Variants in VPS37B observed in about 807,000 individuals in gnomAD.
VPS37B encodes VPS37B subunit of ESCRT-I, also known as vacuolar protein sorting-associated protein 37B.
VPS37B carries 11 observed loss-of-function variants against 21.2 expected under a neutral mutation model. The ratio of observed to expected loss-of-function variants is 0.52; its 90% CI spans 0.33 to 0.86. The LOEUF (loss-of-function observed/expected upper bound fraction) is 0.86. Among genes scored for constraint, VPS37B ranks in the 40% least tolerant of loss-of-function variants. The pLI, the probability that VPS37B is intolerant of heterozygous loss-of-function variation, is 0.03. For missense variants in VPS37B, 389 were observed against 374.8 expected, an observed-to-expected ratio of 1.04 and a Z score of -0.31; for synonymous variants, 175 against 159.6, an observed-to-expected ratio of 1.10 and a Z score of -0.73.
At chr12:122,875,862 A>G (rs2034140766) in intron 1 of VPS37B, 1 of 151,988 alleles carries the variant, frequency 6.6e-6, no homozygotes. Context: ...AAAAAAAAAA[A>G]AAAATCTTAA....
chr12:122,870,679 A>G (rs1253729420), intron 2 of VPS37B: 3 of 473,686 alleles, frequency 6.3e-6, no homozygotes, highest in Non-Finnish European at 1.1e-5. Flanking sequence ...GTGCTGAGCC[A>G]TGGTTGCGCC....
rs745676124 is a variant in VPS37B, at chr12:122,896,084, G to A, written c.-22C>T. The A allele has an allele frequency of 3.2e-6, 5 of 1,551,008 alleles. No individual in the cohort carries two copies. Among genetic ancestry groups the A allele is most frequent in the South Asian group, 1.2e-5 (1 of 86,932 alleles). ...CCATCCCCACGTCTCGGCCGTCGTC[G>A]CCACCGCCGCTGCGGCCACCAGGCT... On this transcript the variant is annotated 5_prime_UTR_variant, in exon 1 of 4. Transcript: ENST00000267202.
chr12:122,888,431 G>A, intron 1 of VPS37B: 1 of 389,610 alleles, frequency 2.6e-6, no homozygotes, highest in Non-Finnish European at 5.3e-6. Flanking sequence ...ATAAACCAAC[G>A]AGAACTCTTG....
chr12:122,872,357 T>C, intron 1 of VPS37B: 1 of 985,470 alleles, frequency 1.0e-6, no homozygotes, highest in Non-Finnish European at 1.2e-6. Flanking sequence ...AGACAACAGC[T>C]GCACCCAGGG....
intron 1 of VPS37B, among the ~76,000 whole-genome samples, chr12:122,892,706 C>A (rs1286543596): frequency 6.6e-6 from 1 of 152,102 alleles, no homozygotes; most frequent in Non-Finnish European, 1.5e-5. Context: ...TGGTTTAGGG[C>A]CAGGAATTCA....
intron 1 of VPS37B, 61 bp from the exon 2 acceptor site, chr12:122,871,122 T>C (rs2034024855): frequency 6.3e-7 from 1 of 1,584,364 alleles, no homozygotes; most frequent in Non-Finnish European, 8.6e-7. Flanking sequence ...ACCCCTGAGG[T>C]CCCCACGCAC....
intron 1 of VPS37B, chr12:122,888,570 C>T: frequency 4.4e-6 from 2 of 456,040 alleles, no homozygotes; most frequent in South Asian, 3.1e-5. Flanking sequence ...GTAATCAAAG[C>T]CAAACAGGCA....
At position 122,868,520 on chromosome 12, in the gene VPS37B, A is replaced by G. The variant is rs1304523205; in HGVS notation, c.326T>C (p.Leu109Pro). 6.2e-7 allele frequency: 1 copy of G among 1,613,904 alleles called. No individual in the cohort carries two copies. Among genetic ancestry groups the G allele is most frequent in the South Asian group, 1.1e-5 (1 of 91,020 alleles). ...SSASLETLLALLQAEGAKIEE... is the reference protein window; with the variant it reads ...SSASLETLLAPLQAEGAKIEE... ...AATCTTGGCCCCTTCTGCCTGAAGA[A>G]GTGCTAACAGGGTCTCCAAGGAAGC... Residue 109 changes from leucine to proline, a missense_variant, in exon 3 of 4, where the codon CTT becomes CCT. By Grantham distance (98) the Leu-to-Pro change is moderately conservative. Coordinates refer to ENST00000267202, the MANE Select transcript of VPS37B (RefSeq NM_024667.3). This position sits in a 1 kb window ranked among gnomAD's most constrained non-coding sequence, Gnocchi z 5.5.
At chr12:122,871,222 G>GC in intron 1 of VPS37B, 161 bp from the exon 2 acceptor site, 1 of 1,381,016 alleles carries the variant, frequency 7.2e-7, no homozygotes, top group Non-Finnish European at 9.4e-7. Context: ...CCAGAGCCAA[G>GC]CCCCTTGGTT....
intron 1 of VPS37B, chr12:122,875,210 C>T (rs1041753963): frequency 5.5e-5 from 8 of 145,132 alleles, no homozygotes; most frequent in African/African-American, 1.8e-4. Context: ...CAGGTGTGTA[C>T]CACACCTGGC....
chr12:122,869,438 C>T (rs908776323), intron 2 of VPS37B, among the ~76,000 whole-genome samples: 1 of 152,212 alleles, frequency 6.6e-6, no homozygotes, highest in Non-Finnish European at 1.5e-5. Context: ...ATGGACACTC[C>T]TACCAGCAAG....
chr12:122,876,749 A>C (rs966833260), intron 1 of VPS37B: 6 of 152,110 alleles, frequency 3.9e-5, no homozygotes, highest in African/African-American at 1.4e-4. Flanking sequence ...ACTATCTCAA[A>C]TGCACATGTC....
intron 1 of VPS37B, chr12:122,884,974 C>T (rs1405594724): frequency 6.6e-6 from 1 of 152,158 alleles, no homozygotes; most frequent in Non-Finnish European, 1.5e-5. Flanking sequence ...TACATCATGA[C>T]ATGAACTTTC....
At chr12:122,888,524 C>T (rs983956503) in intron 1 of VPS37B, 1 of 455,908 alleles carries the variant, frequency 2.2e-6, no homozygotes, top group Non-Finnish European at 4.4e-6. Flanking sequence ...GCGTACCTGG[C>T]ATGAATCTCC....
chr12:122,880,394 A>G (rs2034228660), intron 1 of VPS37B: 1 of 152,250 alleles, frequency 6.6e-6, no homozygotes, highest in Admixed American at 6.5e-5. Flanking sequence ...CATGAGACAC[A>G]AAACACACAC....
Position 122,896,017 on chromosome 12 carries a change from C to T in VPS37B, c.46G>A (p.Val16Met), listed in dbSNP as rs199843497. The T allele has an allele frequency of 1.6e-4, 262 of 1,595,878 alleles. No individual in the cohort carries two copies. In the East Asian group the frequency reaches 5.5e-3, roughly 33 times the overall value. Residue 16 changes from valine (V) to methionine (M), a missense_variant, in exon 1 of 4, where the codon GTG (valine) becomes ATG (methionine). Val to Met is a conservative substitution (Grantham distance 21, BLOSUM62 1). Coordinates refer to ENST00000267202, the MANE Select transcript of VPS37B (RefSeq NM_024667.3). ...SEARFAGLSL[V>M]QLNELLEDEG... is the part of the protein sequence containing the mutation. Reference sequence around the variant, plus strand: ...TCCTCCAGCAGCTCGTTGAGCTGCACCAGCGACAGCCCGGCGAACCGGGCT... The same window carrying T: ...TCCTCCAGCAGCTCGTTGAGCTGCATCAGCGACAGCCCGGCGAACCGGGCT...
At chr12:122,885,620 T>A (rs2034309430) in intron 1 of VPS37B, 1 of 151,960 alleles carries the variant, frequency 6.6e-6, no homozygotes, top group South Asian at 2.1e-4. Flanking sequence ...TACACTTTTC[T>A]TCTTTATGGT....
intron 1 of VPS37B, chr12:122,877,060 C>A (rs999612466): frequency 2.0e-5 from 3 of 152,204 alleles, no homozygotes; most frequent in African/African-American, 7.2e-5. Flanking sequence ...CAAAGGCAGA[C>A]AAATCTGCCC....
At chr12:122,872,159 C>A in intron 1 of VPS37B, 1 of 985,544 alleles carries the variant, frequency 1.0e-6, no homozygotes, top group Non-Finnish European at 1.2e-6. Flanking sequence ...TCCCCACCCC[C>A]AGTCATACCC....
Sources: gnomAD v4.1 joint callset for allele counts (sites outside exome capture counted in the v4.1 genomes callset) on GRCh38, gnomAD v4.1.1 for gene constraint, Gnocchi (gnomAD v3.1) non-coding constraint, MANE v1.5 for transcripts, NCBI Gene and HGNC (gene_info 2026-07-23, HGNC 2026-07-21) for gene names.